Variants in LTBP1 observed in about 807,000 individuals in gnomAD.
LTBP1 encodes latent transforming growth factor beta binding protein 1, also known as latent-transforming growth factor beta-binding protein 1.
A neutral mutation model predicts 207.6 loss-of-function variants in LTBP1; 129 were observed. The observed-to-expected ratio is 0.62, with a 90% confidence interval of 0.54 to 0.72. The LOEUF (loss-of-function observed/expected upper bound fraction) is 0.72, where lower values mean the gene tolerates loss of function less well. Ranked by LOEUF, LTBP1 falls within the 30% of genes least tolerant of loss-of-function variation. The pLI, the probability that LTBP1 is intolerant of heterozygous loss-of-function variation, is 0.00. For missense variants in LTBP1, 2,281 were observed against 2,217.2 expected (o/e 1.03, Z -0.58); for synonymous variants, 963 against 833.7 (o/e 1.16, Z -2.67).
chr2:33,293,772 TAA>T (rs1488422416), intron 20 of LTBP1, among the ~76,000 whole-genome samples: 3 of 152,188 alleles, frequency 2.0e-5, no homozygotes, highest in African/African-American at 7.2e-5. Context: ...ATATTGTATA[TAA>T]AGATGTTCTA....
At chr2:33,262,842 C>T in intron 14 of LTBP1, 21 bp downstream of exon 14, 2 of 1,533,360 alleles carry the variant, frequency 1.3e-6, no homozygotes, top group East Asian at 2.3e-5. Context: ...TTGATCTGTG[C>T]TGTTTGTCAG....
chr2:33,236,960 T>A (rs2092080905), intron 9 of LTBP1, among the ~76,000 whole-genome samples: 2 of 152,222 alleles, frequency 1.3e-5, no homozygotes, highest in African/African-American at 4.8e-5. Context: ...GTGGTTTGAC[T>A]TTTTTCAGTG....
At chr2:33,099,372 A>G (rs1344226247) in intron 3 of LTBP1, among the ~76,000 whole-genome samples, 1 of 152,218 alleles carries the variant, frequency 6.6e-6, no homozygotes, top group Admixed American at 6.5e-5. Flanking sequence ...TTTAGCTTGA[A>G]TGTGGGAAAA....
chr2:33,197,808 C>T (rs1034505793), intron 7 of LTBP1, among the ~76,000 whole-genome samples: 13 of 152,166 alleles, frequency 8.5e-5, no homozygotes, highest in Admixed American at 7.9e-4. Flanking sequence ...CCCACTGCCT[C>T]GTTGCACAAG....
chr2:33,277,376 C>T (rs1015545482), intron 18 of LTBP1, among the ~76,000 whole-genome samples: 4 of 152,166 alleles, frequency 2.6e-5, no homozygotes, highest in Non-Finnish European at 5.9e-5. Flanking sequence ...AGGGAACTCT[C>T]CTCTGCTGAA....
At position 33,300,499 on chromosome 2, in the gene LTBP1, A is replaced by G. The variant is rs752550782; in HGVS notation, c.3284A>G (p.Lys1095Arg). 9.9e-6 allele frequency: 16 copies of G among 1,613,730 alleles called. No homozygotes were observed. Among genetic ancestry groups the G allele is most frequent in the African/African-American group, 5.3e-5 (4 of 74,920 alleles). ...QGNLCVNGQC[K>R]NTEGSFRCTC... ...AATCTATGTGTAAACGGGCAGTGCAAAAATACCGAGGGCTCCTTCAGGTGC... is the reference window on the plus strand; with the variant it reads ...AATCTATGTGTAAACGGGCAGTGCAGAAATACCGAGGGCTCCTTCAGGTGC... Residue 1095 changes from lysine (K) to arginine (R), a missense_variant, in exon 21 of 34, where the codon AAA (lysine) becomes AGA (arginine). Around this residue, in one of 3 missense-constraint regions of LTBP1, gnomAD observed 1,671 missense variants for 1,634.8 expected, o/e 1.02. Coordinates refer to ENST00000404816, the MANE Select transcript of LTBP1 (RefSeq NM_206943.4).
At chr2:33,198,284 G>A (rs2088808165) in intron 7 of LTBP1, among the ~76,000 whole-genome samples, 1 of 152,164 alleles carries the variant, frequency 6.6e-6, no homozygotes, top group Non-Finnish European at 1.5e-5. Context: ...TTGATGTGCT[G>A]CTGGATTCGG....
intron 3 of LTBP1, among the ~76,000 whole-genome samples, chr2:33,102,402 C>T (rs950993579): frequency 6.6e-6 from 1 of 152,082 alleles, no homozygotes; most frequent in Admixed American, 6.5e-5. Context: ...TGCCAAGTGT[C>T]CCTGAGAAGC....
At chr2:33,004,224 G>A (rs540914852) in intron 2 of LTBP1, among the ~76,000 whole-genome samples, 1 of 152,158 alleles carries the variant, frequency 6.6e-6, no homozygotes, top group East Asian at 1.9e-4. Flanking sequence ...CCTTGTTGGA[G>A]CTACTTAACT....
intron 31 of LTBP1, among the ~76,000 whole-genome samples, chr2:33,369,907 C>T (rs1283460934): frequency 1.3e-5 from 2 of 152,218 alleles, no homozygotes; most frequent in Non-Finnish European, 2.9e-5. Context: ...ACAAAACCAT[C>T]TCTTGTTGCA....
intron 6 of LTBP1, among the ~76,000 whole-genome samples, chr2:33,187,533 G>A (rs1184967250): frequency 1.3e-5 from 2 of 152,186 alleles, no homozygotes; most frequent in Non-Finnish European, 2.9e-5. Flanking sequence ...CAATTTGTTC[G>A]TCTGTAGAGG....
intron 5 of LTBP1, among the ~76,000 whole-genome samples, chr2:33,164,308 C>T (rs1287144448): frequency 7.0e-6 from 1 of 142,812 alleles, no homozygotes; most frequent in Non-Finnish European, 1.5e-5. Flanking sequence ...TGAGATTGCG[C>T]CACTGCACTC....
At position 33,263,277 on chromosome 2, in the gene LTBP1, T is replaced by C. The variant is rs750007581; in HGVS notation, c.2519-17T>C. ...ACGGGCTTTAATTTTCTTTTTATCC[T>C]CTGCTTCCTCATATAGTAGTGATTG... On this transcript the variant is annotated splice_polypyrimidine_tract_variant and intron_variant, in intron 14 of 33. Transcript: ENST00000404816. 10 of 1,528,506 alleles carry C rather than the reference T, an allele frequency of 6.5e-6. No homozygotes were observed. The highest frequency in any genetic ancestry group is 3.4e-5 in the Admixed American group (2 of 59,300). The allele number at this position is 1,528,506 out of a possible 1,614,324, so 94.7% of individuals were successfully genotyped here. A position where few individuals can be genotyped will look rare whatever the true frequency, so the allele number is the denominator to read the frequency against.
intron 26 of LTBP1, among the ~76,000 whole-genome samples, chr2:33,355,361 A>G (rs1434865128): frequency 1.3e-5 from 2 of 152,172 alleles, no homozygotes; most frequent in Non-Finnish European, 2.9e-5. Flanking sequence ...AGTCCCTGAT[A>G]CAACACGGCG....
chr2:33,299,598 A>G (rs1305143608), intron 20 of LTBP1, among the ~76,000 whole-genome samples: 1 of 152,212 alleles, frequency 6.6e-6, no homozygotes, highest in Non-Finnish European at 1.5e-5. Flanking sequence ...AAACTCTTAT[A>G]AGTTGGCTAG....
intron 2 of LTBP1, among the ~76,000 whole-genome samples, chr2:33,012,110 G>T (rs1687753058): frequency 6.6e-6 from 1 of 152,208 alleles, no homozygotes; most frequent in Admixed American, 6.5e-5. Context: ...ATGCCAAGGG[G>T]CAGAGATGAT....
chr2:33,266,859 A>G (rs371363308), intron 15 of LTBP1, among the ~76,000 whole-genome samples: 2 of 152,066 alleles, frequency 1.3e-5, no homozygotes, highest in African/African-American at 4.8e-5. Flanking sequence ...GAGCCCACCA[A>G]ATGGTGGTAC....
At chr2:33,249,323 T>TTCACA (rs1553468094) in intron 10 of LTBP1, among the ~76,000 whole-genome samples, 1 of 141,316 alleles carries the variant, frequency 7.1e-6, no homozygotes, top group South Asian at 2.4e-4. Flanking sequence ...GTCTGATTTT[T>TTCACA]CACACACACA....
chr2:33,159,976 G>C (rs2084317564), intron 5 of LTBP1, among the ~76,000 whole-genome samples: 1 of 151,928 alleles, frequency 6.6e-6, no homozygotes, highest in South Asian at 2.1e-4. Context: ...CTGCCTCCCG[G>C]GCTCAAGCAA....
Sources: gnomAD v4.1 joint callset for allele counts (sites outside exome capture counted in the v4.1 genomes callset) on GRCh38, gnomAD v4.1.1 for gene constraint, gnomAD v4.1.1 regional missense constraint, MANE v1.5 for transcripts, NCBI Gene and HGNC (gene_info 2026-07-23, HGNC 2026-07-21) for gene names.